The following MFHAS1 variants were observed in gnomAD, a reference collection of about 807,000 sequenced individuals.
MFHAS1 encodes multifunctional ROCO family signaling regulator 1.
In MFHAS1, 50 loss-of-function variants were observed where a neutral mutation model predicts 70.4. That is an observed-to-expected ratio of 0.71 (90% CI 0.57 to 0.90). The LOEUF is 0.90. MFHAS1 is among the 40% of genes least tolerant of loss of function. MFHAS1 has a pLI of 0.00. For synonymous variants in MFHAS1, 952 were observed against 620.0 expected (o/e 1.54, Z -7.96); for missense variants, 1,795 against 1,347.6 (o/e 1.33, Z -5.20).
At chr8:8,867,541 T>C (rs1026960673) in intron 1 of MFHAS1, among the ~76,000 whole-genome samples, 1 of 152,066 alleles carries the variant, frequency 6.6e-6, no homozygotes, top group Admixed American at 6.6e-5. Context: ...TAATGATAAT[T>C]CAAACATTAT....
intron 1 of MFHAS1, among the ~76,000 whole-genome samples, chr8:8,824,521 T>TCTCACACACACACACACACA: frequency 6.8e-6 from 1 of 146,024 alleles, no homozygotes; most frequent in African/African-American, 2.6e-5. Flanking sequence ...TCTCTCTCTT[T>TCTCACACACACACACACACA]CACACACACA....
intron 1 of MFHAS1, among the ~76,000 whole-genome samples, chr8:8,842,229 A>G (rs2116855525): frequency 6.6e-6 from 1 of 151,760 alleles, no homozygotes; most frequent in Admixed American, 6.6e-5. Context: ...TCTGTTGCCC[A>G]GGCTGGAGTG....
In MFHAS1 at chr8:8,890,472, C is replaced by T. The variant is rs1809950999; in HGVS notation, c.2587G>A (p.Ala863Thr). 1 of 1,613,874 alleles carries T rather than the reference C, an allele frequency of 6.2e-7. No individual in the cohort carries two copies. The highest frequency in any genetic ancestry group is 2.2e-5 in the East Asian group (1 of 44,882). ...GCTAGGTTGGTCCCATTAATCCAGGCTTCTGCATGGGGCACCTCGTTCTGC... is the reference window on the plus strand; with the variant it reads ...GCTAGGTTGGTCCCATTAATCCAGGTTTCTGCATGGGGCACCTCGTTCTGC... ...YVQNEVPHAE[A>T]WINGTNLAGQ... is the part of the protein sequence containing the mutation. The change falls in exon 1 of 3, where the codon GCC becomes ACC. Residue 863 changes from alanine to threonine, a missense_variant. Physicochemically the swap from Ala to Thr is moderately conservative, Grantham distance 58. Transcript: ENST00000276282.
At chr8:8,867,762 T>C (rs1029037762) in intron 1 of MFHAS1, among the ~76,000 whole-genome samples, 3 of 152,144 alleles carry the variant, frequency 2.0e-5, no homozygotes, top group African/African-American at 4.8e-5. Flanking sequence ...TTTCACCGTG[T>C]TAGGCAGGAT....
At chr8:8,881,325 A>G (rs766729907) in intron 1 of MFHAS1, among the ~76,000 whole-genome samples, 2 of 152,170 alleles carry the variant, frequency 1.3e-5, no homozygotes, top group African/African-American at 2.4e-5. Flanking sequence ...CTAGCAGTGG[A>G]TTCTGGGAAC....
At chr8:8,886,642 G>A (rs1809763360) in intron 1 of MFHAS1, among the ~76,000 whole-genome samples, 1 of 152,036 alleles carries the variant, frequency 6.6e-6, no homozygotes, top group Non-Finnish European at 1.5e-5. Flanking sequence ...CATTTTTTCT[G>A]TATAAAATCA....
chr8:8,834,791 A>C (rs1320556077), intron 1 of MFHAS1, among the ~76,000 whole-genome samples: 1 of 152,246 alleles, frequency 6.6e-6, no homozygotes, highest in Non-Finnish European at 1.5e-5. Flanking sequence ...GCTAAGTAGA[A>C]GAAGCCAGAT....
chr8:8,846,267 G>T (rs1182920320), intron 1 of MFHAS1, among the ~76,000 whole-genome samples: 1 of 99,446 alleles, frequency 1.0e-5, no homozygotes, highest in Non-Finnish European at 2.2e-5. Context: ...AAAAAGGGGG[G>T]GGGGGAAGGA....
chr8:8,841,300 C>T (rs962269987), intron 1 of MFHAS1, among the ~76,000 whole-genome samples: 2 of 151,044 alleles, frequency 1.3e-5, no homozygotes, highest in Admixed American at 1.3e-4. Context: ...CATAGTGAAA[C>T]CCCATCTCTA....
chr8:8,830,069 C>T (rs774653401), intron 1 of MFHAS1, among the ~76,000 whole-genome samples: 1 of 152,130 alleles, frequency 6.6e-6, no homozygotes, highest in African/African-American at 2.4e-5. Context: ...AGTCCAGGGA[C>T]CACATTTGAA....
intron 2 of MFHAS1, among the ~76,000 whole-genome samples, chr8:8,786,708 T>C (rs1805556235): frequency 6.6e-6 from 1 of 151,658 alleles, no homozygotes; most frequent in Non-Finnish European, 1.5e-5. Flanking sequence ...AAGTGGTTTT[T>C]TTTTTTTAGC....
At chr8:8,797,261 G>C (rs1377254731) in intron 2 of MFHAS1, 104 bp downstream of exon 2, 3 of 1,339,682 alleles carry the variant, frequency 2.2e-6, no homozygotes, top group South Asian at 1.5e-5. Flanking sequence ...GGAGGACTTT[G>C]CAAGGTTTGT....
chr8:8,842,813 C>A (rs1047776801), intron 1 of MFHAS1, among the ~76,000 whole-genome samples: 12 of 152,248 alleles, frequency 7.9e-5, no homozygotes, highest in African/African-American at 2.9e-4. Flanking sequence ...ACTGCCTCCT[C>A]TTCCTTCCCA....
chr8:8,796,962 C>T (rs1241595718), intron 2 of MFHAS1, among the ~76,000 whole-genome samples: 1 of 151,876 alleles, frequency 6.6e-6, no homozygotes. Flanking sequence ...CACCACTGCA[C>T]TCCAGCCTGG....
At chr8:8,833,147 C>A (rs1807470440) in intron 1 of MFHAS1, among the ~76,000 whole-genome samples, 1 of 152,154 alleles carries the variant, frequency 6.6e-6, no homozygotes, top group African/African-American at 2.4e-5. Flanking sequence ...ACCATCGTGA[C>A]AACACCACCA....
chr8:8,841,784 G>C (rs1293131636), intron 1 of MFHAS1, among the ~76,000 whole-genome samples: 3 of 152,118 alleles, frequency 2.0e-5, no homozygotes, highest in African/African-American at 4.8e-5. Context: ...CGAGAGTTTG[G>C]GTTGAACCAA....
intron 1 of MFHAS1, among the ~76,000 whole-genome samples, chr8:8,887,868 A>C (rs199925132): frequency 0.037 from 5,613 of 150,520 alleles, 227 homozygotes; most frequent in African/African-American, 0.091. Flanking sequence ...ACAAAAAAAA[A>C]AAAAAAAAAA....
At chr8:8,864,978 C>G (rs1002901358) in intron 1 of MFHAS1, among the ~76,000 whole-genome samples, 1 of 151,998 alleles carries the variant, frequency 6.6e-6, no homozygotes, top group Non-Finnish European at 1.5e-5. Flanking sequence ...AAAAAACAAA[C>G]CAAAAACATG....
intron 1 of MFHAS1, among the ~76,000 whole-genome samples, chr8:8,839,608 C>G (rs1807727701): frequency 2.0e-5 from 3 of 152,218 alleles, no homozygotes; most frequent in Admixed American, 1.3e-4. Context: ...CATAAGCTTG[C>G]TCTGCAGATC....
Sources: gnomAD v4.1 joint callset for allele counts (sites outside exome capture counted in the v4.1 genomes callset) on GRCh38, gnomAD v4.1.1 for gene constraint, MANE v1.5 for transcripts, NCBI Gene and HGNC (gene_info 2026-07-23, HGNC 2026-07-21) for gene names.